SLC27A2: variants seen among roughly 807,000 people sequenced by gnomAD.
SLC27A2 encodes the protein long-chain fatty acid transport protein 2.
A neutral mutation model predicts 60.0 loss-of-function variants in SLC27A2; 54 were observed. The ratio of observed to expected loss-of-function variants is 0.90; its 90% confidence interval spans 0.72 to 1.13. The LOEUF (loss-of-function observed/expected upper bound fraction) is 1.13. SLC27A2 is among the 50% of genes most tolerant of loss of function. The probability of loss-of-function intolerance (pLI) is 0.00; values close to 1 mark genes in which losing one functional copy is unlikely to be tolerated. For missense variants in SLC27A2, 739 were observed against 777.6 expected, an observed-to-expected ratio of 0.95 and a Z score of 0.59; for synonymous variants, 297 against 297.6, an observed-to-expected ratio of 1.00 and a Z score of 0.02.
chr15:50,221,019 A>G (rs1435671169), intron 4 of SLC27A2, among the ~76,000 whole-genome samples: 2 of 152,166 alleles, frequency 1.3e-5, no homozygotes, highest in Non-Finnish European at 2.9e-5. Flanking sequence ...CCTGGGCAAC[A>G]TAGTGAGAAC....
chr15:50,225,901 C>A, intron 5 of SLC27A2, 87 bp from the exon 6 acceptor site: 2 of 864,732 alleles, frequency 2.3e-6, no homozygotes, highest in South Asian at 1.8e-5. Flanking sequence ...TCAACCTGTA[C>A]GCCTAAGATA....
intron 1 of SLC27A2, among the ~76,000 whole-genome samples, chr15:50,188,270 G>C (rs1291999115): frequency 6.6e-6 from 1 of 152,146 alleles, no homozygotes; most frequent in Non-Finnish European, 1.5e-5. Context: ...ACCAGAGGCA[G>C]TTCTGATCAG....
rs371273005 is a variant in SLC27A2, at chr15:50,216,595, G to GGTGTGTGTGTGT, written c.973-6365_973-6354dup. Among the ~76,000 whole-genome samples, 298 of 69,394 alleles carry GGTGTGTGTGTGT rather than the reference G, an allele frequency of 4.3e-3. 6 individuals carry two copies. Among genetic ancestry groups the GGTGTGTGTGTGT allele is most frequent in the Middle Eastern group, 0.019 (2 of 104 alleles). The allele number at this position is 69,394 out of a possible 152,430, so 45.5% of individuals were successfully genotyped here. On this transcript the variant is annotated intron_variant, in intron 4 of 9. Transcript: ENST00000267842. The stretch of plus-strand genomic sequence containing the variant: ...ATCAACAAGTGGATAAAGAAACTGT[G>GGTGTGTGTGTGT]GTGTGTGTGTGTGTGTATATATATA...
intron 3 of SLC27A2, among the ~76,000 whole-genome samples, chr15:50,203,924 C>A (rs1249594289): frequency 6.6e-6 from 1 of 152,080 alleles, no homozygotes; most frequent in African/African-American, 2.4e-5. Context: ...ACACCAGACA[C>A]CTTGATCGGG....
rs1240596348 is a variant in SLC27A2, at chr15:50,197,538, A to C, written c.517A>C (p.Lys173Gln). Residue 173 changes from lysine (K) to glutamine (Q), a missense_variant, in exon 2 of 10, where the codon AAA (lysine) becomes CAA (glutamine). Lys to Gln is a moderately conservative substitution (Grantham distance 53). Transcript: ENST00000267842. ...AAVEEILPSL[K>Q]KDDVSIYYVS... The stretch of plus-strand genomic sequence containing the variant: ...TGTCGAAGAGATACTGCCAAGCCTT[A>C]AAAAAGATGATGTGTCCATCTATTA... 15 of 1,613,780 alleles carry C rather than the reference A, an allele frequency of 9.3e-6. No individual in the cohort carries two copies. The highest frequency in any genetic ancestry group is 4.0e-5 in the African/African-American group (3 of 74,926).
In SLC27A2 at chr15:50,230,436, G is replaced by A. The variant is rs1032846493; in HGVS notation, c.1555+1394G>A. Among the ~76,000 whole-genome samples the A allele has an allele frequency of 7.2e-5, 11 of 152,126 alleles. No individual in the cohort carries two copies. In the South Asian group the frequency reaches 2.3e-3, roughly 32 times the overall value. On this transcript the variant is annotated intron_variant, in intron 8 of 9. Transcript: ENST00000267842. ...CTCCCATCTGTAATCCCAGCTACTT[G>A]GGAGGCTGAGGCAGGAGAATCACTT...
Position 50,197,506 on chromosome 15 carries a change from AAGC to A in SLC27A2, c.489_491del (p.Ala164del). On this transcript the variant is annotated inframe_deletion, in exon 2 of 10. Transcript: ENST00000267842. ...TTTTTCTTATTAAATTAAGAACTAC[AAGC>A]AGCTGTCGAAGAGATACTGCCAAGC... The A allele has an allele frequency of 6.2e-7, 1 of 1,612,492 alleles. No individual in the cohort carries two copies. The highest frequency in any genetic ancestry group is 1.1e-5 in the South Asian group (1 of 90,996).
chr15:50,188,836 C>T (rs1017069368), intron 1 of SLC27A2, among the ~76,000 whole-genome samples: 2 of 152,032 alleles, frequency 1.3e-5, no homozygotes, highest in Non-Finnish European at 2.9e-5. Flanking sequence ...GGCGGGCATC[C>T]GTAATCCCAG....
intron 4 of SLC27A2, among the ~76,000 whole-genome samples, chr15:50,219,911 C>G (rs747329905): frequency 3.5e-4 from 53 of 152,226 alleles, no homozygotes; most frequent in Non-Finnish European, 6.9e-4. Flanking sequence ...GCTGGTGACC[C>G]TTGATCTAGA....
At position 50,236,352 on chromosome 15, in the gene SLC27A2, A is replaced by AAAG. The variant is rs1567440837; in HGVS notation, c.*256_*257insAAG. ...TGGAGGGAAGGCATTATTTTTTAAA[A>AAAG]TACTTAGTAAATTAAATGAACACCA... On this transcript the variant is annotated 3_prime_UTR_variant, in exon 10 of 10. Coordinates refer to ENST00000267842, the MANE Select transcript of SLC27A2 (RefSeq NM_003645.4). 2.3e-4 allele frequency: 77 copies of AAAG among 336,046 alleles called. No individual in the cohort carries two copies. Among genetic ancestry groups the AAAG allele is most frequent in the Non-Finnish European group, 3.5e-4 (66 of 187,420 alleles). 20.8% of individuals were successfully genotyped at this position (336,046 alleles called of 1,614,324 possible). A position where few individuals can be genotyped will look rare whatever the true frequency, so the allele number is the denominator to read the frequency against.
chr15:50,224,658 C>A (rs1001808267), intron 5 of SLC27A2, among the ~76,000 whole-genome samples: 1 of 152,200 alleles, frequency 6.6e-6, no homozygotes, highest in Non-Finnish European at 1.5e-5. Flanking sequence ...GTCCTCTAGA[C>A]CTGCGCTGTC....
At chr15:50,210,076 C>T (rs2045142891) in intron 4 of SLC27A2, among the ~76,000 whole-genome samples, 1 of 152,150 alleles carries the variant, frequency 6.6e-6, no homozygotes, top group South Asian at 2.1e-4. Flanking sequence ...AAGTGTCAGA[C>T]TTAAAACAGG....
Position 50,226,155 on chromosome 15 carries a change from T to C in SLC27A2, c.1258+77T>C, listed in dbSNP as rs1202008153. On this transcript the variant is annotated intron_variant, in intron 6 of 9. Transcript: ENST00000267842. ...GTGACTTTTAAGGACTAACATATTA[T>C]TGCCACATGGTAAAATTTATCAGAG... 4.6e-6 allele frequency: 4 copies of C among 873,042 alleles called. No individual in the cohort carries two copies. The East Asian group carries it at 7.3e-5, about 16-fold the overall frequency. 54.1% of individuals were successfully genotyped at this position (873,042 alleles called of 1,614,324 possible).
intron 8 of SLC27A2, among the ~76,000 whole-genome samples, chr15:50,233,036 C>A (rs28715698): frequency 0.15 from 22,061 of 152,046 alleles, 1,657 homozygotes; most frequent in Middle Eastern, 0.18. Context: ...TTACCACTGT[C>A]CTCACAAGAA....
chr15:50,196,061 A>AAAAAAATAAAAATAAAAAT (rs1567428283), intron 1 of SLC27A2, among the ~76,000 whole-genome samples: 1 of 16,716 alleles, frequency 6.0e-5, no homozygotes, highest in Admixed American at 8.8e-4. Context: ...CTCAAAAAAA[A>AAAAAAATAAAAATAAAAAT]AAAAAAAAAA....
At chr15:50,188,813 A>AAACGG (rs2044946274) in intron 1 of SLC27A2, among the ~76,000 whole-genome samples, 1 of 152,116 alleles carries the variant, frequency 6.6e-6, no homozygotes, top group South Asian at 2.1e-4. Context: ...TACAAAAATT[A>AAACGG]GTCGGGCATG....
Position 50,196,063 on chromosome 15 carries a change from A to AAAAAT in SLC27A2, c.479-1433_479-1432insTAAAA, listed in dbSNP as rs1344790169. ...AGCCAGACTCTGTCTCAAAAAAAAA[A>AAAAAT]AAAAAAAAAAAAAAATATATATATA... On this transcript the variant is annotated intron_variant, in intron 1 of 9. Coordinates refer to ENST00000267842, the MANE Select transcript of SLC27A2 (RefSeq NM_003645.4). Among the ~76,000 whole-genome samples, 4 of 19,756 alleles carry AAAAAT rather than the reference A, an allele frequency of 2.0e-4. 1 individual carries two copies. The highest frequency in any genetic ancestry group is 4.3e-4 in the Non-Finnish European group (4 of 9,308). 13.0% of individuals were successfully genotyped at this position (19,756 alleles called of 152,430 possible).
chr15:50,183,012 C>G, intron 1 of SLC27A2, 107 bp downstream of exon 1: 1 of 1,126,566 alleles, frequency 8.9e-7, no homozygotes, highest in Non-Finnish European at 1.3e-6. Flanking sequence ...CAGATCGGAA[C>G]TGTAGGTATA....
At chr15:50,189,663 ACT>A (rs2044957713) in intron 1 of SLC27A2, among the ~76,000 whole-genome samples, 1 of 152,160 alleles carries the variant, frequency 6.6e-6, no homozygotes, top group African/African-American at 2.4e-5. Context: ...GTAAAAACAA[ACT>A]CTGAATCAGG....
Sources: allele counts gnomAD v4.1 joint callset (sites outside exome capture counted in the v4.1 genomes callset), GRCh38; gene constraint gnomAD v4.1.1; transcripts MANE v1.5; gene names NCBI Gene and HGNC (gene_info 2026-07-23, HGNC 2026-07-21).